SORCS1: variants seen among roughly 807,000 people sequenced by gnomAD.
SORCS1 encodes the protein sortilin related VPS10 domain containing receptor 1, also known as VPS10 domain-containing receptor SorCS1.
SORCS1 carries 60 observed loss-of-function variants against 146.1 expected under a neutral mutation model. That is an observed-to-expected ratio of 0.41 (90% CI 0.33 to 0.51). The LOEUF (loss-of-function observed/expected upper bound fraction) is 0.51. Among genes scored for constraint, SORCS1 ranks in the 20% least tolerant of loss-of-function variants. The pLI is 0.21. For missense variants in SORCS1, 1,352 were observed against 1,487.6 expected, an observed-to-expected ratio of 0.91 and a Z score of 1.50; for synonymous variants, 637 against 584.0, an observed-to-expected ratio of 1.09 and a Z score of -1.31.
chr10:107,025,661 T>C (rs1958368574), intron 1 of SORCS1, among the ~76,000 whole-genome samples: 1 of 152,212 alleles, frequency 6.6e-6, no homozygotes, highest in Non-Finnish European at 1.5e-5. Context: ...CAAAGAGAAT[T>C]TAAAAACTTT....
chr10:107,148,708 C>A (rs868190526), intron 1 of SORCS1, among the ~76,000 whole-genome samples: 1 of 152,154 alleles, frequency 6.6e-6, no homozygotes, highest in South Asian at 2.1e-4. Flanking sequence ...AGTTGGTGAG[C>A]TTTTAAGGCA....
chr10:106,783,584 A>G (rs1229280453), intron 3 of SORCS1, among the ~76,000 whole-genome samples: 2 of 152,244 alleles, frequency 1.3e-5, no homozygotes, highest in Admixed American at 6.5e-5. Context: ...AAGAGACAGC[A>G]AGAAGAAATG....
chr10:107,046,053 C>T (rs1441911631), intron 1 of SORCS1, among the ~76,000 whole-genome samples: 5 of 151,790 alleles, frequency 3.3e-5, no homozygotes, highest in Non-Finnish European at 7.4e-5. Flanking sequence ...TTCAAGCGAT[C>T]CTCCTGCCTC....
At position 107,043,236 on chromosome 10, in the gene SORCS1, G is replaced by C. The variant is rs529866503; in HGVS notation, c.559-86656C>G. 3.3e-5 allele frequency among the ~76,000 whole-genome samples: 5 copies of C among 152,284 alleles called. No individual in the cohort carries two copies. The South Asian group carries it at 8.3e-4, about 25-fold the overall frequency. On this transcript the variant is annotated intron_variant, in intron 1 of 25. Transcript: ENST00000263054. ...CTAGGCTGGGTAAAAAAACTGGAAAGCATCTAAGGAAAAAGTAAACCCCGT... is the reference window on the plus strand; with the variant it reads ...CTAGGCTGGGTAAAAAAACTGGAAACCATCTAAGGAAAAAGTAAACCCCGT...
intron 1 of SORCS1, among the ~76,000 whole-genome samples, chr10:107,086,318 T>C (rs1306753332): frequency 6.6e-6 from 1 of 152,230 alleles, no homozygotes; most frequent in Non-Finnish European, 1.5e-5. Flanking sequence ...ATGACACAGG[T>C]GGATTATTTT....
intron 3 of SORCS1, among the ~76,000 whole-genome samples, chr10:106,814,750 T>C (rs1326891768): frequency 1.3e-5 from 2 of 151,530 alleles, no homozygotes; most frequent in Non-Finnish European, 2.9e-5. Flanking sequence ...GCGTCTCTAC[T>C]AAAAATACAA....
chr10:106,672,355 A>G (rs1470976233), intron 15 of SORCS1, among the ~76,000 whole-genome samples: 2 of 152,170 alleles, frequency 1.3e-5, no homozygotes, highest in Non-Finnish European at 2.9e-5. Flanking sequence ...AAAGTTTCCT[A>G]TTAATAATTC....
intron 1 of SORCS1, among the ~76,000 whole-genome samples, chr10:107,065,285 G>A (rs1200459159): frequency 6.6e-5 from 10 of 151,964 alleles, no homozygotes; most frequent in Admixed American, 1.3e-4. Flanking sequence ...GCACACACTC[G>A]GTATCCCTAA....
chr10:106,823,534 T>C (rs1027705064), intron 3 of SORCS1, among the ~76,000 whole-genome samples: 1 of 152,166 alleles, frequency 6.6e-6, no homozygotes, highest in Admixed American at 6.5e-5. Flanking sequence ...AAATATTCAG[T>C]CATGTATTGG....
At chr10:106,677,073 G>T (rs1286903083) in intron 13 of SORCS1, among the ~76,000 whole-genome samples, 1 of 152,034 alleles carries the variant, frequency 6.6e-6, no homozygotes, top group Non-Finnish European at 1.5e-5. Flanking sequence ...AGATGGACTT[G>T]GGACTGATTG....
chr10:106,946,833 T>C (rs1295700572), intron 2 of SORCS1, among the ~76,000 whole-genome samples: 1 of 152,222 alleles, frequency 6.6e-6, no homozygotes, highest in Admixed American at 6.5e-5. Context: ...TATATGCTTA[T>C]TCCCACTGAC....
At chr10:106,747,373 C>G (rs999911324) in intron 5 of SORCS1, among the ~76,000 whole-genome samples, 1 of 152,202 alleles carries the variant, frequency 6.6e-6, no homozygotes, top group Non-Finnish European at 1.5e-5. Flanking sequence ...CCATCCATTT[C>G]TCTAGCATTT....
intron 1 of SORCS1, among the ~76,000 whole-genome samples, chr10:107,031,706 T>A (rs1262082816): frequency 6.6e-6 from 1 of 151,872 alleles, no homozygotes; most frequent in Non-Finnish European, 1.5e-5. Flanking sequence ...TGAACTTAAT[T>A]AAACAGTCCT....
chr10:106,956,544 G>A lies in SORCS1; in HGVS notation c.595C>T (p.Leu199=), dbSNP rs1954951820. Residue 199 remains leucine, a synonymous_variant, in exon 2 of 26, where the codon CTG becomes TTG. Coordinates refer to ENST00000263054, the MANE Select transcript of SORCS1 (RefSeq NM_052918.5). ...LILTKLYDYN[L]GSITESSLWR... ...AGCGAGCTCTCTGTGATGCTCCCCA[G>A]GTTATAGTCATAGAGCTTTGTCAAA... 6.2e-7 allele frequency: 1 copy of A among 1,614,170 alleles called. No homozygotes were observed. The highest frequency in any genetic ancestry group is 1.3e-5 in the African/African-American group (1 of 75,044).
At chr10:106,881,693 G>A (rs1430016501) in intron 2 of SORCS1, among the ~76,000 whole-genome samples, 2 of 152,120 alleles carry the variant, frequency 1.3e-5, no homozygotes, top group East Asian at 1.9e-4. Context: ...GAGACCAACG[G>A]GCTTAACAGC....
chr10:107,102,600 C>T (rs576629168), intron 1 of SORCS1, among the ~76,000 whole-genome samples: 88 of 152,136 alleles, frequency 5.8e-4, no homozygotes, highest in African/African-American at 1.8e-3. Context: ...ATTTAGTTAG[C>T]GTTCTACCTA....
chr10:106,924,386 TA>T (rs1952879100), intron 2 of SORCS1, among the ~76,000 whole-genome samples: 1 of 152,136 alleles, frequency 6.6e-6, no homozygotes, highest in South Asian at 2.1e-4. Context: ...AATGATATGG[TA>T]AAAATAAAGC....
intron 4 of SORCS1, among the ~76,000 whole-genome samples, chr10:106,769,899 T>G (rs781285852): frequency 6.6e-5 from 10 of 152,234 alleles, no homozygotes; most frequent in Non-Finnish European, 1.3e-4. Context: ...GAGACCAGCC[T>G]GGCCAACATG....
intron 4 of SORCS1, among the ~76,000 whole-genome samples, chr10:106,767,420 C>A (rs1859656818): frequency 6.6e-6 from 1 of 152,138 alleles, no homozygotes; most frequent in Admixed American, 6.5e-5. Context: ...ACCTCCTGTG[C>A]ATTCAGGTCT....
Sources: allele counts gnomAD v4.1 joint callset (sites outside exome capture counted in the v4.1 genomes callset), GRCh38; gene constraint gnomAD v4.1.1; transcripts MANE v1.5; gene names NCBI Gene and HGNC (gene_info 2026-07-23, HGNC 2026-07-21).